The following NEMF variants were observed in gnomAD, a reference collection of about 807,000 sequenced individuals.
NEMF encodes the protein ribosome quality control complex subunit NEMF.
NEMF carries 89 observed loss-of-function variants against 162.2 expected under a neutral mutation model. The ratio of observed to expected loss-of-function variants is 0.55; its 90% CI spans 0.46 to 0.65. The LOEUF (loss-of-function observed/expected upper bound fraction) is 0.65, where lower values mean the gene tolerates loss of function less well. Ranked by LOEUF, NEMF falls within the 30% of genes least tolerant of loss-of-function variation. NEMF has a pLI of 0.00. For missense variants in NEMF, 1,133 were observed against 1,261.9 expected, an observed-to-expected ratio of 0.90 and a Z score of 1.55; for synonymous variants, 421 against 404.5, an observed-to-expected ratio of 1.04 and a Z score of -0.49.
intron 3 of NEMF, among the ~76,000 whole-genome samples, chr14:49,848,903 C>CA (rs1333487463): frequency 2.0e-4 from 29 of 145,180 alleles, no homozygotes; most frequent in African/African-American, 3.5e-4. Flanking sequence ...AGACCACCTT[C>CA]AAAAAAAAGA....
chr14:49,782,559 A>G lies in NEMF; in HGVS notation c.*2077T>C. 6.2e-7 allele frequency: 1 copy of G among 1,607,570 alleles called. No individual in the cohort carries two copies. The highest frequency in any genetic ancestry group is 8.5e-7 in the Non-Finnish European group (1 of 1,175,788). Reference sequence around the variant, plus strand: ...TTTTTCAGGCACACAGTAATGAAATACTAATATTTTCAGTTCAACCAAAAT... The same window carrying G: ...TTTTTCAGGCACACAGTAATGAAATGCTAATATTTTCAGTTCAACCAAAAT... On this transcript the variant is annotated 3_prime_UTR_variant, in exon 33 of 33. Coordinates refer to ENST00000298310, the MANE Select transcript of NEMF (RefSeq NM_004713.6).
chr14:49,850,996 G>A (rs569243426), intron 3 of NEMF, among the ~76,000 whole-genome samples: 1 of 152,302 alleles, frequency 6.6e-6, no homozygotes, highest in East Asian at 1.9e-4. Flanking sequence ...CTGAGGTCAC[G>A]CATTTGAGAT....
intron 16 of NEMF, chr14:49,820,061 T>A (rs1183191648): frequency 5.9e-6 from 1 of 170,690 alleles, no homozygotes; most frequent in South Asian, 1.2e-4. Flanking sequence ...AAGCGATTCT[T>A]CTGCCTCAGC....
intron 3 of NEMF, among the ~76,000 whole-genome samples, chr14:49,848,881 G>A (rs1031333940): frequency 3.5e-5 from 4 of 113,396 alleles, no homozygotes; most frequent in African/African-American, 1.3e-4. Context: ...AAATTTTACA[G>A]AAGTTAATCT....
At chr14:49,813,841 T>C (rs1049911665) in intron 18 of NEMF, 147 bp downstream of exon 18, 28 of 587,432 alleles carry the variant, frequency 4.8e-5, no homozygotes, top group Admixed American at 2.4e-4. Context: ...TGGCCTCAAA[T>C]AATCCTCACA....
At chr14:49,839,631 T>C (rs1893092575) in intron 5 of NEMF, 1 of 152,354 alleles carries the variant, frequency 6.6e-6, no homozygotes, top group South Asian at 2.1e-4. Flanking sequence ...AAGATATCCA[T>C]CTGTCTTCTC....
intron 24 of NEMF, 25 bp downstream of exon 24, chr14:49,799,611 C>T (rs755398366): frequency 6.2e-7 from 1 of 1,603,664 alleles, no homozygotes; most frequent in African/African-American, 1.3e-5. Context: ...ATCGGATGTT[C>T]TTCATAAAAC....
Position 49,799,484 on chromosome 14 carries a change from T to C in NEMF, c.2456A>G (p.Lys819Arg). Residue 819 changes from lysine to arginine, a missense_variant, in exon 25 of 33, where the codon AAG (lysine) becomes AGG (arginine). Physicochemically the swap from Lys to Arg is conservative, Grantham distance 26. Transcript: ENST00000298310. ...KSQSRRHLSAKERREMKKKKL... is the reference protein window; with the variant it reads ...KSQSRRHLSARERREMKKKKL... ...ACACAGATGTGTTTACCTTCTTTCCTTGGCTGACAAATGTCTCCGGCTCTG... is the reference window on the plus strand; with the variant it reads ...ACACAGATGTGTTTACCTTCTTTCCCTGGCTGACAAATGTCTCCGGCTCTG... 6.2e-7 allele frequency: 1 copy of C among 1,609,800 alleles called. No individual in the cohort carries two copies. Among genetic ancestry groups the C allele is most frequent in the Non-Finnish European group, 8.5e-7 (1 of 1,178,948 alleles).
chr14:49,828,973 G>GA, intron 13 of NEMF, 81 bp downstream of exon 13: 2 of 1,422,674 alleles, frequency 1.4e-6, no homozygotes, highest in African/African-American at 1.4e-5. Flanking sequence ...AAAATATGAA[G>GA]AAAAAATGTT....
At chr14:49,850,919 T>C (rs1406731181) in intron 3 of NEMF, among the ~76,000 whole-genome samples, 1 of 152,072 alleles carries the variant, frequency 6.6e-6, no homozygotes, top group African/African-American at 2.4e-5. Flanking sequence ...AAAATTAATG[T>C]TGGGCCAGGC....
chr14:49,832,531 C>T (rs1204886789), intron 8 of NEMF, among the ~76,000 whole-genome samples: 2 of 151,938 alleles, frequency 1.3e-5, no homozygotes, highest in South Asian at 2.1e-4. Context: ...AGGGGTTTTG[C>T]CATGATGGCC....
Position 49,827,271 on chromosome 14 carries a change from C to A in NEMF, c.1488+1020G>T, listed in dbSNP as rs145517352. ...GCATGATCTCAGCTCACTGCAACCT[C>A]CACCTCCCGGGTTCATTAGATTCTC... On this transcript the variant is annotated intron_variant, in intron 15 of 32. Transcript: ENST00000298310. 4.6e-3 allele frequency among the ~76,000 whole-genome samples: 708 copies of A among 152,294 alleles called. 3 individuals carry two copies. The highest frequency in any genetic ancestry group is 0.016 in the African/African-American group (678 of 41,570).
At chr14:49,813,597 A>T (rs2042979128) in intron 18 of NEMF, among the ~76,000 whole-genome samples, 1 of 152,100 alleles carries the variant, frequency 6.6e-6, no homozygotes, top group African/African-American at 2.4e-5. Flanking sequence ...AGCAGCACAT[A>T]TGTTTATAAT....
At chr14:49,830,180 A>G (rs1892568610) in intron 11 of NEMF, among the ~76,000 whole-genome samples, 1 of 152,168 alleles carries the variant, frequency 6.6e-6, no homozygotes, top group Non-Finnish European at 1.5e-5. Flanking sequence ...AAGAATGATG[A>G]CTATTAAAAC....
At chr14:49,826,095 C>A (rs1892328503) in intron 15 of NEMF, 140 bp from the exon 16 acceptor site, 1 of 537,212 alleles carries the variant, frequency 1.9e-6, no homozygotes, top group Non-Finnish European at 3.3e-6. Flanking sequence ...CACACACACA[C>A]AAATACGCAT....
At chr14:49,835,914 T>C (rs1034552592) in intron 6 of NEMF, among the ~76,000 whole-genome samples, 2 of 152,226 alleles carry the variant, frequency 1.3e-5, no homozygotes, top group African/African-American at 4.8e-5. Context: ...GAATAGAATG[T>C]TTAGGAATAA....
At chr14:49,808,784 A>G (rs1170189500) in intron 18 of NEMF, among the ~76,000 whole-genome samples, 1 of 151,894 alleles carries the variant, frequency 6.6e-6, no homozygotes, top group African/African-American at 2.4e-5. Context: ...GACATAGCAG[A>G]TAAAAGATTG....
intron 18 of NEMF, 101 bp downstream of exon 18, chr14:49,813,887 A>G (rs1238966560): frequency 2.8e-6 from 2 of 704,618 alleles, no homozygotes; most frequent in East Asian, 2.8e-5. Flanking sequence ...TACAGGCATG[A>G]GCCACCACAT....
intron 26 of NEMF, among the ~76,000 whole-genome samples, chr14:49,794,749 C>T (rs1221760162): frequency 1.5e-5 from 2 of 134,978 alleles, no homozygotes; most frequent in Admixed American, 8.2e-5. Context: ...AGGCGAGTCT[C>T]GCCATGTCAC....
Sources: allele counts gnomAD v4.1 joint callset (sites outside exome capture counted in the v4.1 genomes callset), GRCh38; gene constraint gnomAD v4.1.1; transcripts MANE v1.5; gene names NCBI Gene and HGNC (gene_info 2026-07-23, HGNC 2026-07-21).